UBE2E3: variants seen among roughly 807,000 people sequenced by gnomAD.
UBE2E3 encodes the protein ubiquitin-conjugating enzyme E2 E3.
A neutral mutation model predicts 23.6 loss-of-function variants in UBE2E3; 5 were observed. The ratio of observed to expected loss-of-function variants is 0.21; its 90% CI spans 0.11 to 0.44. The LOEUF (loss-of-function observed/expected upper bound fraction) is 0.44, where lower values mean the gene tolerates loss of function less well. UBE2E3 is among the 20% of genes least tolerant of loss of function. The pLI is 0.99. For missense variants in UBE2E3, 81 were observed against 249.8 expected (o/e 0.32, Z 4.55); for synonymous variants, 78 against 87.5 (o/e 0.89, Z 0.60).
chr2:181,000,440 G>T (rs1203003306), intron 3 of UBE2E3, among the ~76,000 whole-genome samples: 1 of 152,072 alleles, frequency 6.6e-6, no homozygotes, highest in Admixed American at 6.5e-5. Flanking sequence ...ACTCCAGGGG[G>T]TACCATTCAT....
chr2:181,030,676 CTA>C (rs1686047944), intron 3 of UBE2E3, among the ~76,000 whole-genome samples: 1 of 151,964 alleles, frequency 6.6e-6, no homozygotes, highest in Non-Finnish European at 1.5e-5. Context: ...TCCTGTAAAA[CTA>C]TGTGGACCTG....
chr2:180,988,284 T>C (rs1314913409), intron 3 of UBE2E3, among the ~76,000 whole-genome samples: 1 of 152,108 alleles, frequency 6.6e-6, no homozygotes, highest in Non-Finnish European at 1.5e-5. Flanking sequence ...AATTTTATCT[T>C]AGTCAGTTCA....
chr2:181,050,400 C>T (rs1686808454), intron 3 of UBE2E3, among the ~76,000 whole-genome samples: 1 of 151,806 alleles, frequency 6.6e-6, no homozygotes, highest in East Asian at 1.9e-4. Context: ...CTGTTTTGTT[C>T]AACGGGATTC....
chr2:181,036,849 G>T (rs1686304721), intron 3 of UBE2E3, among the ~76,000 whole-genome samples: 1 of 152,128 alleles, frequency 6.6e-6, no homozygotes, highest in African/African-American at 2.4e-5. Context: ...CCAGAAATAT[G>T]ACATAGGAAC....
At chr2:181,004,806 C>T (rs914293415) in intron 3 of UBE2E3, among the ~76,000 whole-genome samples, 9 of 152,268 alleles carry the variant, frequency 5.9e-5, no homozygotes, top group Non-Finnish European at 1.2e-4. Flanking sequence ...TATATATATA[C>T]GTAGTAGGTG....
chr2:180,993,607 C>A (rs757029718), intron 3 of UBE2E3, among the ~76,000 whole-genome samples: 1 of 152,130 alleles, frequency 6.6e-6, no homozygotes, highest in African/African-American at 2.4e-5. Context: ...TACATCCATG[C>A]GTCTCACTTT....
intron 3 of UBE2E3, among the ~76,000 whole-genome samples, chr2:181,023,863 G>A (rs1264739390): frequency 7.2e-5 from 11 of 152,098 alleles, no homozygotes; most frequent in Admixed American, 5.2e-4. Flanking sequence ...TGCCCTCCAC[G>A]TAAGTTCGTG....
intron 3 of UBE2E3, among the ~76,000 whole-genome samples, chr2:181,026,361 A>G (rs1685884358): frequency 6.6e-6 from 1 of 151,648 alleles, no homozygotes. Context: ...ACCCTAGGTA[A>G]CTCTTTCATT....
chr2:181,039,205 C>G (rs931851488), intron 3 of UBE2E3, among the ~76,000 whole-genome samples: 3 of 133,562 alleles, frequency 2.2e-5, no homozygotes, highest in African/African-American at 8.6e-5. Flanking sequence ...TGGATATGCT[C>G]TATATCATGG....
chr2:181,058,455 T>C (rs945798437), intron 4 of UBE2E3, among the ~76,000 whole-genome samples: 3 of 151,786 alleles, frequency 2.0e-5, no homozygotes, highest in East Asian at 3.9e-4. Context: ...TTGCAAAGCT[T>C]AAATATAACA....
chr2:181,034,813 A>T (rs756168716), intron 3 of UBE2E3, among the ~76,000 whole-genome samples: 6 of 152,218 alleles, frequency 3.9e-5, no homozygotes, highest in Non-Finnish European at 8.8e-5. Context: ...AGTTTCCATG[A>T]ACAAATGTGG....
chr2:180,993,276 G>A (rs191196371), intron 3 of UBE2E3, among the ~76,000 whole-genome samples: 1 of 152,274 alleles, frequency 6.6e-6, no homozygotes, highest in Admixed American at 6.5e-5. Context: ...TATAATACTT[G>A]TTTTAACTTT....
chr2:180,981,190 C>T (rs1684277975), intron 1 of UBE2E3: 1 of 149,890 alleles, frequency 6.7e-6, no homozygotes, highest in Non-Finnish European at 1.5e-5. Context: ...CAAAGGGCCG[C>T]GGAGCTGCGT....
At chr2:180,998,082 C>T (rs550904730) in intron 3 of UBE2E3, among the ~76,000 whole-genome samples, 88 of 152,232 alleles carry the variant, frequency 5.8e-4, no homozygotes, top group African/African-American at 2.0e-3. Context: ...GAAAGTAGTT[C>T]TGAAACTTGC....
chr2:181,021,951 A>G (rs1011696866), intron 3 of UBE2E3, among the ~76,000 whole-genome samples: 6 of 152,124 alleles, frequency 3.9e-5, no homozygotes, highest in African/African-American at 9.7e-5. Flanking sequence ...TGAAACCACC[A>G]ATTTTTCCCT....
chr2:181,025,403 A>AC (rs1685852861), intron 3 of UBE2E3, among the ~76,000 whole-genome samples: 2 of 151,534 alleles, frequency 1.3e-5, no homozygotes, highest in East Asian at 3.9e-4. Context: ...GATATTATCT[A>AC]TTTTTTCCCT....
chr2:181,012,244 CAA>C (rs948499501), intron 3 of UBE2E3, among the ~76,000 whole-genome samples: 39 of 152,234 alleles, frequency 2.6e-4, no homozygotes, highest in African/African-American at 8.7e-4. Flanking sequence ...ACATGTATAA[CAA>C]AGTATACATG....
At chr2:181,032,881 C>T (rs1686127502) in intron 3 of UBE2E3, among the ~76,000 whole-genome samples, 1 of 152,108 alleles carries the variant, frequency 6.6e-6, no homozygotes, top group South Asian at 2.1e-4. Context: ...CATTCTTAAA[C>T]ACCAATAACA....
chr2:181,004,429 T>C (rs1017941654), intron 3 of UBE2E3, among the ~76,000 whole-genome samples: 1 of 151,982 alleles, frequency 6.6e-6, no homozygotes, highest in Non-Finnish European at 1.5e-5. Flanking sequence ...GGTCAAGAGA[T>C]CGGGACCATC....
Sources: allele counts gnomAD v4.1 joint callset (sites outside exome capture counted in the v4.1 genomes callset), GRCh38; gene constraint gnomAD v4.1.1; transcripts MANE v1.5; gene names NCBI Gene and HGNC (gene_info 2026-07-23, HGNC 2026-07-21).